CREB3L3: variants seen among roughly 807,000 people sequenced by gnomAD.
The protein encoded by CREB3L3 is cyclic AMP-responsive element-binding protein 3-like protein 3.
A neutral mutation model predicts 44.6 loss-of-function variants in CREB3L3; 40 were observed. The observed-to-expected ratio is 0.90, with a 90% CI of 0.70 to 1.17. CREB3L3 has a LOEUF of 1.17. Ranked by LOEUF, CREB3L3 falls within the 50% of genes most tolerant of loss-of-function variation. CREB3L3 has a pLI of 0.00. For synonymous variants in CREB3L3, 273 were observed against 256.3 expected, an observed-to-expected ratio of 1.06 and a Z score of -0.62; for missense variants, 578 against 595.8, an observed-to-expected ratio of 0.97 and a Z score of 0.31.
intron 5 of CREB3L3, among the ~76,000 whole-genome samples, chr19:4,167,525 GGAGA>G (rs1568283953): frequency 1.5e-4 from 19 of 126,802 alleles, no homozygotes; most frequent in African/African-American, 5.2e-4. Flanking sequence ...AGAGAGAAAG[GGAGA>G]AAGGAAGGAA....
intron 2 of CREB3L3, among the ~76,000 whole-genome samples, chr19:4,156,125 C>T (rs796749518): frequency 3.0e-5 from 4 of 132,426 alleles, no homozygotes; most frequent in African/African-American, 1.1e-4. Flanking sequence ...CTCTCCCCCC[C>T]TCTCTCTCTG....
rs2041597324 is a variant in CREB3L3 at position 4,157,285 on chromosome 19, C to A, written c.447C>A (p.Thr149=). The change falls in exon 3 of 10, where the codon ACC becomes ACA. Residue 149 remains threonine (T), a synonymous_variant. Transcript: ENST00000078445. The part of the protein sequence containing the change: ...PVIQVPEASV[T]IDLEMWSPGG... ...TCCAAGTACCTGAAGCCTCTGTGAC[C>A]ATAGACCTGGGTGAGTCCTGCTGTG... 18 of 1,614,050 alleles carry A rather than the reference C, an allele frequency of 1.1e-5. No individual in the cohort carries two copies. The highest frequency in any genetic ancestry group is 1.5e-5 in the Non-Finnish European group (18 of 1,180,044).
At chr19:4,160,134 A>G (rs1204535880) in intron 4 of CREB3L3, among the ~76,000 whole-genome samples, 1 of 151,718 alleles carries the variant, frequency 6.6e-6, no homozygotes, top group Non-Finnish European at 1.5e-5. Flanking sequence ...CATCTATACA[A>G]AAAATACAAA....
intron 2 of CREB3L3, among the ~76,000 whole-genome samples, chr19:4,156,559 C>T (rs1283316018): frequency 7.0e-6 from 1 of 142,044 alleles, no homozygotes; most frequent in Non-Finnish European, 1.5e-5. Flanking sequence ...GGGTGGAGTG[C>T]GGTGGCGTGA....
intron 4 of CREB3L3, among the ~76,000 whole-genome samples, chr19:4,161,733 G>A (rs1027049191): frequency 6.6e-6 from 1 of 152,206 alleles, no homozygotes; most frequent in Non-Finnish European, 1.5e-5. Context: ...AATGCCAAAG[G>A]TTATCCTGAT....
At position 4,157,980 on chromosome 19, in the gene CREB3L3, C is replaced by T. The variant is rs1038981645; in HGVS notation, c.457+685C>T. 1.8e-4 allele frequency among the ~76,000 whole-genome samples: 27 copies of T among 152,242 alleles called. 1 individual carries two copies. The highest frequency in any genetic ancestry group is 3.4e-3 in the Middle Eastern group (1 of 294). The stretch of plus-strand genomic sequence containing the variant: ...GATTACAGGTGTGAGCCGCTCCACC[C>T]AGCCTGTAGATGCTCAATAAAAGTG... On this transcript the variant is annotated intron_variant, in intron 3 of 9. Transcript: ENST00000078445.
At chr19:4,166,954 A>C (rs1966918524) in intron 5 of CREB3L3, among the ~76,000 whole-genome samples, 1 of 149,770 alleles carries the variant, frequency 6.7e-6, no homozygotes, top group Non-Finnish European at 1.5e-5. Flanking sequence ...CTAGTCTTGA[A>C]CTCCTGGACT....
intron 1 of CREB3L3, 56 bp from the exon 2 acceptor site, chr19:4,154,843 G>C: frequency 6.2e-7 from 1 of 1,611,930 alleles, no homozygotes; most frequent in Non-Finnish European, 8.5e-7. Flanking sequence ...GTGCACATGG[G>C]AGGTGGGGAG....
At chr19:4,166,596 A>G (rs1162378253) in intron 5 of CREB3L3, among the ~76,000 whole-genome samples, 1 of 139,692 alleles carries the variant, frequency 7.2e-6, no homozygotes, top group East Asian at 2.2e-4. Context: ...GGGTCTTGCT[A>G]TGTTGCCCAG....
chr19:4,166,300 G>T (rs1966904606), intron 5 of CREB3L3, among the ~76,000 whole-genome samples: 1 of 151,588 alleles, frequency 6.6e-6, no homozygotes, highest in Admixed American at 6.6e-5. Flanking sequence ...TGTTGCCCAG[G>T]CTGGAGTGCA....
At chr19:4,163,638 G>A (rs350858) in intron 4 of CREB3L3, among the ~76,000 whole-genome samples, 33,241 of 151,580 alleles carry the variant, frequency 0.22, 4,328 homozygotes, top group East Asian at 0.55. Context: ...TCAGCCTCCC[G>A]AGTAGCTGGG....
intron 7 of CREB3L3, among the ~76,000 whole-genome samples, chr19:4,170,762 T>G (rs1967026437): frequency 1.3e-5 from 2 of 150,648 alleles, no homozygotes; most frequent in South Asian, 4.2e-4. Flanking sequence ...ACAAAAAAAA[T>G]TAGCTGGGTG....
intron 2 of CREB3L3, 65 bp downstream of exon 2, chr19:4,155,092 G>T: frequency 6.3e-7 from 1 of 1,589,758 alleles, no homozygotes; most frequent in Non-Finnish European, 8.5e-7. Flanking sequence ...GAGGCCCCAC[G>T]AAGGTGCTAG....
intron 2 of CREB3L3, 76 bp from the exon 3 acceptor site, chr19:4,156,919 T>C (rs2041588493): frequency 1.3e-6 from 2 of 1,499,540 alleles, no homozygotes; most frequent in East Asian, 2.3e-5. Flanking sequence ...GGGTCACTGG[T>C]TTCCCTGGGG....
chr19:4,159,519 T>C, intron 3 of CREB3L3, 145 bp from the exon 4 acceptor site: 1 of 682,518 alleles, frequency 1.5e-6, no homozygotes, highest in Non-Finnish European at 2.7e-6. Context: ...ACTCAGGCCT[T>C]GGGGACTCCA....
chr19:4,157,260 T>A lies in CREB3L3; in HGVS notation c.422T>A (p.Ile141Asn). The A allele has an allele frequency of 1.2e-6, 2 of 1,614,148 alleles. No homozygotes were observed. Among genetic ancestry groups the A allele is most frequent in the Non-Finnish European group, 1.7e-6 (2 of 1,180,040 alleles). Residue 141 changes from isoleucine (I) to asparagine (N), a missense_variant, in exon 3 of 10, where the codon ATC (isoleucine) becomes AAC (asparagine). Coordinates refer to ENST00000078445, the MANE Select transcript of CREB3L3 (RefSeq NM_032607.3). ...TCCACCACAACCCCAGGGCCAGTGATCCAAGTACCTGAAGCCTCTGTGACC... is the reference window on the plus strand; with the variant it reads ...TCCACCACAACCCCAGGGCCAGTGAACCAAGTACCTGAAGCCTCTGTGACC... ...SCSTTTPGPVIQVPEASVTID... is the reference protein window; with the variant it reads ...SCSTTTPGPVNQVPEASVTID...
intron 3 of CREB3L3, among the ~76,000 whole-genome samples, chr19:4,158,237 C>G (rs2041611585): frequency 6.6e-6 from 1 of 152,102 alleles, no homozygotes; most frequent in South Asian, 2.1e-4. Context: ...GTGACTCATG[C>G]CTGTAATCCC....
rs184235585 is a variant in CREB3L3, at chr19:4,171,436, C to T, written c.1029C>T (p.Gly343=). ...LIILPSISPF[G]PNKTESPGDF... is the part of the protein sequence containing the mutation. ...TCCTCCCCTCCATCAGCCCTTTTGG[C>T]CCCAACAAAACCGAGAGCCCTGGGG... The change falls in exon 9 of 10, where the codon GGC becomes GGT. Residue 343 remains glycine (G), a synonymous_variant. Transcript: ENST00000078445. The surrounding 1 kb of genome is among the most constrained non-coding windows in gnomAD (Gnocchi z 4.9). 1.2e-6 allele frequency: 2 copies of T among 1,614,090 alleles called. No individual in the cohort carries two copies. Among genetic ancestry groups the T allele is most frequent in the Non-Finnish European group, 8.5e-7 (1 of 1,180,004 alleles).
chr19:4,158,519 A>G (rs1170100160), intron 3 of CREB3L3, among the ~76,000 whole-genome samples: 1 of 151,462 alleles, frequency 6.6e-6, no homozygotes, highest in Middle Eastern at 3.2e-3. Context: ...AAAACAAAAA[A>G]TGCTGGGCAC....
Sources: gnomAD v4.1 joint callset for allele counts (sites outside exome capture counted in the v4.1 genomes callset) on GRCh38, gnomAD v4.1.1 for gene constraint, Gnocchi (gnomAD v3.1) non-coding constraint, MANE v1.5 for transcripts, NCBI Gene and HGNC (gene_info 2026-07-23, HGNC 2026-07-21) for gene names.